The following INTS10 variants were observed in gnomAD, a reference collection of about 807,000 sequenced individuals.
The protein encoded by INTS10 is chromosome 8 open reading frame 35.
Under a neutral mutation model 94.4 loss-of-function variants are expected in INTS10, and 44 were observed. The ratio of observed to expected loss-of-function variants is 0.47; its 90% CI spans 0.37 to 0.60. The LOEUF (loss-of-function observed/expected upper bound fraction) is 0.60. Among genes scored for constraint, INTS10 ranks in the 20% least tolerant of loss-of-function variants. The probability of loss-of-function intolerance (pLI) is 0.00; values close to 1 mark genes in which losing one functional copy is unlikely to be tolerated. For missense variants in INTS10, 797 were observed against 868.7 expected, an observed-to-expected ratio of 0.92 and a Z score of 1.04; for synonymous variants, 341 against 320.7, an observed-to-expected ratio of 1.06 and a Z score of -0.68.
chr8:19,837,490 G>A (rs955573401), intron 13 of INTS10: 3 of 200,608 alleles, frequency 1.5e-5, no homozygotes, highest in Non-Finnish European at 3.1e-5. Context: ...AGCTGTAAAT[G>A]TCTTTCTTCC....
chr8:19,823,247 A>C, intron 5 of INTS10, 54 bp from the exon 6 acceptor site: 2 of 1,401,516 alleles, frequency 1.4e-6, no homozygotes, highest in South Asian at 2.4e-5. Flanking sequence ...TATTTATCGG[A>C]ACTCTAGGGT....
At chr8:19,818,054 A>G (rs1386759707) in intron 1 of INTS10, 2 of 601,832 alleles carry the variant, frequency 3.3e-6, no homozygotes, top group Non-Finnish European at 5.9e-6. Context: ...GACTTTGGAA[A>G]TATTATCCTA....
intron 13 of INTS10, among the ~76,000 whole-genome samples, chr8:19,842,468 A>C (rs2068205442): frequency 6.6e-6 from 1 of 152,240 alleles, no homozygotes; most frequent in African/African-American, 2.4e-5. Context: ...AGAAGGATAC[A>C]CAATAGGCTT....
chr8:19,820,336 C>T, intron 3 of INTS10, 43 bp from the exon 4 acceptor site: 1 of 1,577,306 alleles, frequency 6.3e-7, no homozygotes, highest in Non-Finnish European at 8.6e-7. Flanking sequence ...GCAGTCTTTT[C>T]TGTCCGCAAG....
chr8:19,827,187 A>G (rs1366948511), intron 9 of INTS10, among the ~76,000 whole-genome samples: 1 of 151,998 alleles, frequency 6.6e-6, no homozygotes, highest in Non-Finnish European at 1.5e-5. Flanking sequence ...CTCTAACCTG[A>G]CCAGGCAGTA....
At chr8:19,824,362 C>T (rs1344690847) in intron 7 of INTS10, 5 of 209,258 alleles carry the variant, frequency 2.4e-5, no homozygotes, top group Admixed American at 5.8e-5. Flanking sequence ...CGAGGTGATG[C>T]GTGCCTGTAG....
chr8:19,822,930 CTGAG>C (rs1349427895), intron 5 of INTS10, among the ~76,000 whole-genome samples: 1 of 149,414 alleles, frequency 6.7e-6, no homozygotes. Flanking sequence ...AACCTGGTGA[CTGAG>C]TGAGACTCTG....
chr8:19,826,961 G>A (rs751367507), intron 9 of INTS10, among the ~76,000 whole-genome samples: 1 of 152,210 alleles, frequency 6.6e-6, no homozygotes, highest in Non-Finnish European at 1.5e-5. Context: ...TGCAGTGTGG[G>A]GTACTGGCCT....
intron 7 of INTS10, chr8:19,824,323 C>G (rs1339069182): frequency 4.3e-6 from 1 of 234,372 alleles, no homozygotes; most frequent in African/African-American, 2.3e-5. Flanking sequence ...GAAACCCCAT[C>G]TCTACTAAAA....
intron 16 of INTS10, among the ~76,000 whole-genome samples, chr8:19,847,697 A>C (rs1044715315): frequency 3.3e-5 from 5 of 152,224 alleles, no homozygotes; most frequent in Admixed American, 3.3e-4. Flanking sequence ...ACTTCATTGT[A>C]CTGAACCTTT....
At position 19,844,181 on chromosome 8, in the gene INTS10, A is replaced by G; in HGVS notation, c.1825A>G (p.Asn609Asp). ...CGAGAATCTTTTCCTGAAAGCTGTCAATAAAATTTGCCAACAAGGAAATTT... is the reference window on the plus strand; with the variant it reads ...CGAGAATCTTTTCCTGAAAGCTGTCGATAAAATTTGCCAACAAGGAAATTT... ...RGENLFLKAVNKICQQGNFQY... is the reference protein window; with the variant it reads ...RGENLFLKAVDKICQQGNFQY... The change falls in exon 15 of 17, where the codon AAT (asparagine) becomes GAT (aspartate). Residue 609 changes from asparagine to aspartate, a missense_variant. Asn to Asp is a conservative substitution (Grantham distance 23). Transcript: ENST00000397977. The G allele has an allele frequency of 6.2e-7, 1 of 1,613,908 alleles. No individual in the cohort carries two copies. The highest frequency in any genetic ancestry group is 8.5e-7 in the Non-Finnish European group (1 of 1,179,778).
At chr8:19,823,265 C>G (rs372326265) in intron 5 of INTS10, 36 bp from the exon 6 acceptor site, 7 of 1,547,696 alleles carry the variant, frequency 4.5e-6, no homozygotes, top group Non-Finnish European at 6.2e-6. Context: ...GGTAGACAAC[C>G]TAATTAATTT....
intron 10 of INTS10, among the ~76,000 whole-genome samples, chr8:19,831,246 C>T (rs957031459): frequency 1.3e-5 from 2 of 152,152 alleles, no homozygotes; most frequent in African/African-American, 4.8e-5. Context: ...AAATTCAGCA[C>T]CGTTCAGTTT....
chr8:19,832,087 C>G lies in INTS10; in HGVS notation c.1354C>G (p.Leu452Val). Residue 452 changes from leucine (L) to valine (V), a missense_variant, in exon 11 of 17, where the codon CTC (leucine) becomes GTC (valine). By Grantham distance (32) the Leu-to-Val change is conservative. Coordinates refer to ENST00000397977, the MANE Select transcript of INTS10 (RefSeq NM_018142.4). ...TDTWLWLRIFLTDMIIYQGQY... is the reference protein window; with the variant it reads ...TDTWLWLRIFVTDMIIYQGQY... Reference sequence around the variant, plus strand: ...TACTTGGCTTTGGTTAAGAATCTTCCTCACTGATATGATCATCTATCAGGT... The same window carrying G: ...TACTTGGCTTTGGTTAAGAATCTTCGTCACTGATATGATCATCTATCAGGT... The G allele has an allele frequency of 6.3e-7, 1 of 1,589,982 alleles. No individual in the cohort carries two copies. The highest frequency in any genetic ancestry group is 1.7e-4 in the Middle Eastern group (1 of 6,014).
rs200656703 is a variant in INTS10, at chr8:19,837,202, T to C, written c.1639+42T>C. 4,746 of 1,327,320 alleles carry C rather than the reference T, an allele frequency of 3.6e-3. 30 individuals are homozygous for C. Among genetic ancestry groups the C allele is most frequent in the Middle Eastern group, 0.011 (59 of 5,504 alleles). 82.2% of individuals were successfully genotyped at this position (1,327,320 alleles called of 1,614,324 possible). A position where few individuals can be genotyped will look rare whatever the true frequency, so the allele number is the denominator to read the frequency against. On this transcript the variant is annotated intron_variant, in intron 13 of 16. Transcript: ENST00000397977. ...TATGACTATTTTGTAAAAATAGCTTTAGAAAGCCAGGCACGGTGGCTCACA... is the reference window on the plus strand; with the variant it reads ...TATGACTATTTTGTAAAAATAGCTTCAGAAAGCCAGGCACGGTGGCTCACA...
At chr8:19,836,547 C>G (rs2067678436) in intron 12 of INTS10, among the ~76,000 whole-genome samples, 1 of 152,226 alleles carries the variant, frequency 6.6e-6, no homozygotes, top group South Asian at 2.1e-4. Context: ...TTTCTGCATT[C>G]CAAATCCTTC....
In INTS10 at chr8:19,823,968, G is replaced by A; in HGVS notation, c.760G>A (p.Asp254Asn). Residue 254 changes from aspartate (D) to asparagine (N), a missense_variant, in exon 7 of 17, where the codon GAC becomes AAC. Around this residue, in one of 3 missense-constraint regions of INTS10, gnomAD observed 734 missense variants for 787.8 expected, o/e 0.93. Coordinates refer to ENST00000397977, the MANE Select transcript of INTS10 (RefSeq NM_018142.4). ...GACGGAAAAATCATCCCAGATCGTG[G>A]ACCCTTGGGAGAGGTTGTTTAAGAT... Reference protein sequence around the residue: ...GLTEKSSQIVDPWERLFKILN... With the variant: ...GLTEKSSQIVNPWERLFKILN... The A allele has an allele frequency of 6.2e-7, 1 of 1,613,726 alleles. No individual in the cohort carries two copies. Among genetic ancestry groups the A allele is most frequent in the Non-Finnish European group, 8.5e-7 (1 of 1,179,746 alleles).
At chr8:19,844,038 C>A (rs759386431) in intron 14 of INTS10, 38 bp from the exon 15 acceptor site, 88 of 1,521,334 alleles carry the variant, frequency 5.8e-5, no homozygotes, top group Non-Finnish European at 7.5e-5. Context: ...CCTGTGACTT[C>A]CTTTTCCTTC....
chr8:19,826,950 G>A (rs1346369666), intron 9 of INTS10, among the ~76,000 whole-genome samples: 1 of 152,226 alleles, frequency 6.6e-6, no homozygotes, highest in Non-Finnish European at 1.5e-5. Flanking sequence ...CTAGAGCAGG[G>A]TGCAGTGTGG....
Sources: allele counts gnomAD v4.1 joint callset (sites outside exome capture counted in the v4.1 genomes callset), GRCh38; gene constraint gnomAD v4.1.1; regional missense constraint gnomAD v4.1.1; transcripts MANE v1.5; gene names NCBI Gene and HGNC (gene_info 2026-07-23, HGNC 2026-07-21).